The following GRIA4 variants were observed in gnomAD, a reference collection of about 807,000 sequenced individuals.
The protein encoded by GRIA4 is glutamate receptor 4.
GRIA4 carries 34 observed loss-of-function variants against 104.0 expected under a neutral mutation model. That is an observed-to-expected ratio of 0.33 (90% CI 0.25 to 0.44). The LOEUF (loss-of-function observed/expected upper bound fraction) is 0.44, where lower values mean the gene tolerates loss of function less well. Ranked by LOEUF, GRIA4 falls within the 20% of genes least tolerant of loss-of-function variation. The probability of loss-of-function intolerance (pLI) is 1.00; values close to 1 mark genes in which losing one functional copy is unlikely to be tolerated. For missense variants in GRIA4, 750 were observed against 1,096.5 expected (o/e 0.68, Z 4.46); for synonymous variants, 386 against 381.9 (o/e 1.01, Z -0.13).
In GRIA4 at chr11:105,950,551, A is replaced by T. The variant is rs1365817325; in HGVS notation, c.2294+16582A>T. 2.0e-4 allele frequency among the ~76,000 whole-genome samples: 4 copies of T among 20,056 alleles called. No individual in the cohort carries two copies. The East Asian group carries it at 4.2e-3, about 21-fold the overall frequency. The allele number at this position is 20,056 out of a possible 152,430, so 13.2% of individuals were successfully genotyped here. A position where few individuals can be genotyped will look rare whatever the true frequency, so the allele number is the denominator to read the frequency against. ...AATCAATAAGAACTTTGTATGTATGAAAAAAAAGACATTTTAACTTTGGAA... is the reference window on the plus strand; with the variant it reads ...AATCAATAAGAACTTTGTATGTATGTAAAAAAAGACATTTTAACTTTGGAA... On this transcript the variant is annotated intron_variant, in intron 14 of 16. Coordinates refer to ENST00000282499, the MANE Select transcript of GRIA4 (RefSeq NM_000829.4).
intron 10 of GRIA4, among the ~76,000 whole-genome samples, chr11:105,914,493 G>GA (rs751377190): frequency 6.6e-6 from 1 of 151,888 alleles, no homozygotes; most frequent in Non-Finnish European, 1.5e-5. Context: ...AAATAATCCA[G>GA]AAAAATCTCC....
intron 4 of GRIA4, among the ~76,000 whole-genome samples, chr11:105,757,055 A>T (rs1041914513): frequency 2.6e-5 from 4 of 152,134 alleles, no homozygotes; most frequent in Non-Finnish European, 5.9e-5. Flanking sequence ...ACTGAGGGAG[A>T]AATAACAATC....
intron 3 of GRIA4, among the ~76,000 whole-genome samples, chr11:105,733,466 T>C (rs909294421): frequency 2.6e-5 from 4 of 152,166 alleles, no homozygotes; most frequent in Non-Finnish European, 5.9e-5. Flanking sequence ...TCTTTTCTTT[T>C]TTCTTTTTGA....
intron 10 of GRIA4, chr11:105,912,819 T>A (rs942004046): frequency 1.0e-6 from 1 of 984,370 alleles, no homozygotes; most frequent in African/African-American, 1.7e-5. Flanking sequence ...TCATTCATTA[T>A]GAAAGAAATC....
chr11:105,734,752 G>A (rs553635728), intron 3 of GRIA4, among the ~76,000 whole-genome samples: 1 of 152,186 alleles, frequency 6.6e-6, no homozygotes, highest in East Asian at 1.9e-4. Flanking sequence ...TCTCTACTTT[G>A]TGACTGGCAT....
intron 4 of GRIA4, among the ~76,000 whole-genome samples, chr11:105,795,866 C>CA (rs1213067396): frequency 4.6e-5 from 7 of 152,022 alleles, no homozygotes; most frequent in Admixed American, 4.6e-4. Context: ...CCTAAAAATA[C>CA]AATACATTTA....
rs77885647 is a variant in GRIA4 at position 105,756,881 on chromosome 11, C to T, written c.487+3661C>T. Among the ~76,000 whole-genome samples, 580 of 152,184 alleles carry T rather than the reference C, an allele frequency of 3.8e-3. 8 individuals are homozygous for T. Among genetic ancestry groups the T allele is most frequent in the African/African-American group, 0.013 (539 of 41,506 alleles). On this transcript the variant is annotated intron_variant, in intron 4 of 16. Coordinates refer to ENST00000282499, the MANE Select transcript of GRIA4 (RefSeq NM_000829.4). ...GTCAATATTTACCTGTTGTCAATTA[C>T]CAAGTATGAGGATCATCCATCCCAG...
intron 3 of GRIA4, among the ~76,000 whole-genome samples, chr11:105,746,230 T>C (rs754245095): frequency 1.3e-5 from 2 of 152,072 alleles, no homozygotes; most frequent in African/African-American, 2.4e-5. Flanking sequence ...AATTATAATA[T>C]ATGAGATCAT....
intron 14 of GRIA4, among the ~76,000 whole-genome samples, chr11:105,949,242 G>C (rs1313884956): frequency 2.6e-5 from 4 of 152,028 alleles, no homozygotes; most frequent in African/African-American, 7.2e-5. Flanking sequence ...AGACAGTTTT[G>C]AAGTGTTTTG....
At chr11:105,767,592 T>C (rs1003011186) in intron 4 of GRIA4, among the ~76,000 whole-genome samples, 1 of 152,110 alleles carries the variant, frequency 6.6e-6, no homozygotes. Context: ...ATAGATATTA[T>C]GAAAAAGTTG....
chr11:105,781,328 T>C (rs1161460552), intron 4 of GRIA4, among the ~76,000 whole-genome samples: 2 of 152,060 alleles, frequency 1.3e-5, no homozygotes, highest in Non-Finnish European at 2.9e-5. Flanking sequence ...AATGCTCCCA[T>C]TCTTTTGTAC....
intron 3 of GRIA4, among the ~76,000 whole-genome samples, chr11:105,722,827 GATTTA>G (rs1259430717): frequency 6.6e-6 from 1 of 151,986 alleles, no homozygotes; most frequent in African/African-American, 2.4e-5. Context: ...AAATATTTAA[GATTTA>G]ATCTCTTCCA....
At chr11:105,813,159 T>C (rs1294033265) in intron 4 of GRIA4, among the ~76,000 whole-genome samples, 1 of 150,166 alleles carries the variant, frequency 6.7e-6, no homozygotes, top group East Asian at 2.0e-4. Context: ...TCTCCTCATC[T>C]AGGCTGGGAA....
chr11:105,655,105 AT>A (rs1951802831), intron 3 of GRIA4, among the ~76,000 whole-genome samples: 1 of 152,168 alleles, frequency 6.6e-6, no homozygotes, highest in South Asian at 2.1e-4. Context: ...TCTCCAGGTA[AT>A]CTGTCCACAA....
At chr11:105,786,144 CAAAAAAAAAAAA>C (rs34888562) in intron 4 of GRIA4, among the ~76,000 whole-genome samples, 1 of 89,300 alleles carries the variant, frequency 1.1e-5, no homozygotes, top group African/African-American at 4.5e-5. Flanking sequence ...GACCCTTTCT[CAAAAAAAAAAAA>C]AAAAAAAAAG....
intron 4 of GRIA4, among the ~76,000 whole-genome samples, chr11:105,754,142 T>G (rs1489782420): frequency 6.6e-6 from 1 of 152,130 alleles, no homozygotes; most frequent in African/African-American, 2.4e-5. Context: ...GCTCCCATCT[T>G]GGAGCTATCT....
intron 4 of GRIA4, among the ~76,000 whole-genome samples, chr11:105,826,330 G>A (rs970618895): frequency 1.3e-5 from 2 of 151,954 alleles, no homozygotes; most frequent in Admixed American, 6.6e-5. Flanking sequence ...CATTCCCCAT[G>A]GGACACCTGC....
intron 3 of GRIA4, among the ~76,000 whole-genome samples, chr11:105,688,993 C>T (rs1952992300): frequency 6.6e-6 from 1 of 151,892 alleles, no homozygotes; most frequent in Non-Finnish European, 1.5e-5. Context: ...GGGGAAAATA[C>T]TCTGGCAGAT....
chr11:105,713,312 G>A (rs1480813816), intron 3 of GRIA4, among the ~76,000 whole-genome samples: 2 of 151,932 alleles, frequency 1.3e-5, no homozygotes, highest in East Asian at 1.9e-4. Context: ...AACCTGAGAG[G>A]TGGAGGCTGC....
Sources: gnomAD v4.1 joint callset for allele counts (sites outside exome capture counted in the v4.1 genomes callset) on GRCh38, gnomAD v4.1.1 for gene constraint, MANE v1.5 for transcripts, NCBI Gene and HGNC (gene_info 2026-07-23, HGNC 2026-07-21) for gene names.